The following VWCE variants were observed in gnomAD, a reference collection of about 807,000 sequenced individuals.
The protein encoded by VWCE is von Willebrand factor C and EGF domain-containing protein.
Under a neutral mutation model 102.9 loss-of-function variants are expected in VWCE, and 68 were observed. That is an observed-to-expected ratio of 0.66 (90% CI 0.54 to 0.81). VWCE has a LOEUF of 0.81. Among genes scored for constraint, VWCE ranks in the 30% least tolerant of loss-of-function variants. The pLI is 0.00. For synonymous variants in VWCE, 497 were observed against 515.4 expected, an observed-to-expected ratio of 0.96 and a Z score of 0.48; for missense variants, 1,137 against 1,263.6, an observed-to-expected ratio of 0.90 and a Z score of 1.52.
chr11:61,274,247 G>T (rs1318691878), intron 12 of VWCE, among the ~76,000 whole-genome samples: 1 of 152,180 alleles, frequency 6.6e-6, no homozygotes, highest in African/African-American at 2.4e-5. Flanking sequence ...GGACCAAGGG[G>T]ACTGGGGCTT....
chr11:61,277,382 G>T lies in VWCE; in HGVS notation c.1408-702C>A, dbSNP rs964215239. Among the ~76,000 whole-genome samples, 101 of 151,160 alleles carry T rather than the reference G, an allele frequency of 6.7e-4. 1 individual carries two copies. The highest frequency in any genetic ancestry group is 1.6e-4 in the Non-Finnish European group (11 of 67,872). On this transcript the variant is annotated intron_variant, in intron 10 of 19. Coordinates refer to ENST00000335613, the MANE Select transcript of VWCE (RefSeq NM_152718.2). ...CCAGCATTTTGGGAGGCCAAGGTGG[G>T]AGGATCGCTTGAGCCCAGGAATTTG... is the stretch of plus-strand genomic sequence containing the variant.
chr11:61,282,889 T>C lies in VWCE; in HGVS notation c.558A>G (p.Leu186=). The C allele has an allele frequency of 6.2e-7, 1 of 1,614,042 alleles. No individual in the cohort carries two copies. Among genetic ancestry groups the C allele is most frequent in the South Asian group, 1.1e-5 (1 of 91,072 alleles). ...RHSCQDTDEC[L]GTPCQQRCKN... is the part of the protein sequence containing the mutation. ...TACATCTCTGCTGACAGGGAGTCCC[T>C]AGGCATTCGTCAGTGTCTGGCAGGA... Residue 186 remains leucine, a synonymous_variant, in exon 6 of 20, where the codon CTA becomes CTG. Transcript: ENST00000335613.
chr11:61,279,254 G>A (rs1348565821), intron 9 of VWCE, among the ~76,000 whole-genome samples: 1 of 151,992 alleles, frequency 6.6e-6, no homozygotes, highest in East Asian at 1.9e-4. Context: ...GCGTGTTGCG[G>A]GGACATAGCC....
chr11:61,272,340 TACAC>T (rs969315923), intron 13 of VWCE, among the ~76,000 whole-genome samples: 5 of 150,900 alleles, frequency 3.3e-5, no homozygotes, highest in East Asian at 2.0e-4. Flanking sequence ...GACACAAACT[TACAC>T]ACAGACACAC....
At chr11:61,283,653 C>T (rs545192602) in intron 5 of VWCE, among the ~76,000 whole-genome samples, 1 of 152,344 alleles carries the variant, frequency 6.6e-6, no homozygotes, top group African/African-American at 2.4e-5. Flanking sequence ...TCAGGCGATC[C>T]ACCTGCCTTG....
At chr11:61,286,518 G>A (rs774706909) in intron 4 of VWCE, 88 bp from the exon 5 acceptor site, 42 of 1,260,382 alleles carry the variant, frequency 3.3e-5, no homozygotes, top group Non-Finnish European at 4.5e-5. Context: ...AAGCACCCTT[G>A]CAGGCCGGGC....
At chr11:61,290,760 G>A (rs1009082811) in intron 4 of VWCE, 39 bp downstream of exon 4, 1 of 1,577,700 alleles carries the variant, frequency 6.3e-7, no homozygotes, top group African/African-American at 1.3e-5. Context: ...AATTCCCGCT[G>A]TCCCCCTCCC....
At chr11:61,265,778 G>A (rs1418364759) in intron 16 of VWCE, among the ~76,000 whole-genome samples, 6 of 152,252 alleles carry the variant, frequency 3.9e-5, no homozygotes, top group Admixed American at 2.6e-4. Flanking sequence ...CGGAGTGGTG[G>A]CTCACACCTG....
At chr11:61,281,406 C>G (rs578215477) in intron 7 of VWCE, among the ~76,000 whole-genome samples, 171 bp from the exon 8 acceptor site, 2 of 152,160 alleles carry the variant, frequency 1.3e-5, no homozygotes, top group Admixed American at 1.3e-4. Flanking sequence ...GGGCGAACCA[C>G]GGAAATGGCT....
In VWCE at chr11:61,294,972, T is replaced by G; in HGVS notation, c.66A>C (p.Arg22=). 1 of 1,470,942 alleles carries G rather than the reference T, an allele frequency of 6.8e-7. No individual in the cohort carries two copies. The allele number at this position is 1,470,942 out of a possible 1,614,324, so 91.1% of individuals were successfully genotyped here. A position where few individuals can be genotyped will look rare whatever the true frequency, so the allele number is the denominator to read the frequency against. Residue 22 remains arginine (R), a synonymous_variant, in exon 1 of 20, where the codon CGA becomes CGC. Coordinates refer to ENST00000335613, the MANE Select transcript of VWCE (RefSeq NM_152718.2). This position sits in a 1 kb window ranked among gnomAD's most constrained non-coding sequence, Gnocchi z 6.3. The part of the protein sequence containing the change: ...VALLLPGAPA[R]GYTGRKPPGH... ...CGGGCGGCTTCCTCCCGGTGTAGCCTCGGGCTGGTGCCCCCGGCAGCAGGA... is the reference window on the plus strand; with the variant it reads ...CGGGCGGCTTCCTCCCGGTGTAGCCGCGGGCTGGTGCCCCCGGCAGCAGGA...
intron 1 of VWCE, among the ~76,000 whole-genome samples, chr11:61,293,699 CCCACT>C (rs1431584119): frequency 6.6e-6 from 1 of 152,194 alleles, no homozygotes; most frequent in African/African-American, 2.4e-5. Flanking sequence ...TTGTAAAGCA[CCCACT>C]CTGCGCTGGG....
In VWCE at chr11:61,259,011, G is replaced by A; in HGVS notation, c.2532C>T (p.Leu844=). The A allele has an allele frequency of 6.2e-7, 1 of 1,613,700 alleles. No individual in the cohort carries two copies. The highest frequency in any genetic ancestry group is 8.5e-7 in the Non-Finnish European group (1 of 1,179,808). ...CTGGAGGGGTCGAAGGCCCTGGTGA[G>A]AGTCGAGGGGAGGCCCCAGGCTCCC... is the stretch of plus-strand genomic sequence containing the variant. ...FPGEPGASPR[L]SPGPSTPPGA... The change falls in exon 20 of 20, where the codon CTC becomes CTT. Residue 844 remains leucine, a synonymous_variant. Transcript: ENST00000335613.
In VWCE at chr11:61,289,530, G is replaced by A. The variant is rs538144012; in HGVS notation, c.424+1269C>T. On this transcript the variant is annotated intron_variant, in intron 4 of 19. Coordinates refer to ENST00000335613, the MANE Select transcript of VWCE (RefSeq NM_152718.2). ...CTCCCAAAGTGCTGGGATTACAGGC[G>A]TGAGCCACCAAGCCTAGCGAAAAAA... Among the ~76,000 whole-genome samples, 35 of 152,208 alleles carry A rather than the reference G, an allele frequency of 2.3e-4. 1 individual carries two copies. The highest frequency in any genetic ancestry group is 6.5e-4 in the African/African-American group (27 of 41,524).
Position 61,281,810 on chromosome 11 carries a change from G to C in VWCE, c.763C>G (p.Arg255Gly). The C allele has an allele frequency of 6.2e-7, 1 of 1,613,712 alleles. No homozygotes were observed. Among genetic ancestry groups the C allele is most frequent in the Non-Finnish European group, 8.5e-7 (1 of 1,179,768 alleles). ...CCTTCACAGGACACGCGGTCAGCTC[G>C]GAGCCTGAAGCCAGGTCGGCATGTG... is the stretch of plus-strand genomic sequence containing the variant. ...LCTCRPGFRL[R>G]ADRVSCEAFP... The change falls in exon 7 of 20, where the codon CGA (arginine) becomes GGA (glycine). Residue 255 changes from arginine to glycine, a missense_variant. By Grantham distance (125) the Arg-to-Gly change is moderately radical. This residue lies in a region of VWCE where 575 missense variants were observed against 625.9 expected (regional missense o/e 0.92). Coordinates refer to ENST00000335613, the MANE Select transcript of VWCE (RefSeq NM_152718.2).
At chr11:61,282,053 T>C in intron 6 of VWCE, 139 bp from the exon 7 acceptor site, 2 of 1,339,760 alleles carry the variant, frequency 1.5e-6, no homozygotes, top group Non-Finnish European at 2.0e-6. Context: ...AGGTGCGGGA[T>C]GTGACTCAGA....
intron 13 of VWCE, among the ~76,000 whole-genome samples, chr11:61,272,052 AAC>A (rs1303354663): frequency 1.3e-5 from 2 of 152,062 alleles, no homozygotes; most frequent in Non-Finnish European, 2.9e-5. Flanking sequence ...ACACAGATAC[AAC>A]AGACACACAT....
intron 19 of VWCE, among the ~76,000 whole-genome samples, chr11:61,262,505 G>A (rs958520356): frequency 2.6e-5 from 4 of 152,172 alleles, no homozygotes; most frequent in African/African-American, 9.7e-5. Flanking sequence ...TATGCTGCCT[G>A]GCACATTAGC....
At chr11:61,279,341 G>A (rs780435457) in intron 9 of VWCE, among the ~76,000 whole-genome samples, 2 of 152,052 alleles carry the variant, frequency 1.3e-5, no homozygotes, top group South Asian at 2.1e-4. Flanking sequence ...AGGCCGAGGC[G>A]GGCAGATCAC....
Position 61,295,024 on chromosome 11 carries a change from A to C in VWCE, c.14T>G (p.Leu5Arg). Residue 5 changes from leucine to arginine, a missense_variant, in exon 1 of 20, where the codon CTG becomes CGG. By Grantham distance (102) the Leu-to-Arg change is moderately radical. Transcript: ENST00000335613. This position sits in a 1 kb window ranked among gnomAD's most constrained non-coding sequence, Gnocchi z 4.6. MWAG[L>R]LLRAACVALL... ...CGCGACACAGGCGGCCCGAAGGAGC[A>C]GTCCGGCCCACATGACCGGCGGCGG... 7.1e-7 allele frequency: 1 copy of C among 1,414,094 alleles called. No individual in the cohort carries two copies. The highest frequency in any genetic ancestry group is 2.6e-5 in the Admixed American group (1 of 38,088). 87.6% of individuals were successfully genotyped at this position (1,414,094 alleles called of 1,614,324 possible). A position where few individuals can be genotyped will look rare whatever the true frequency, so the allele number is the denominator to read the frequency against.
Sources: gnomAD v4.1 joint callset for allele counts (sites outside exome capture counted in the v4.1 genomes callset) on GRCh38, gnomAD v4.1.1 for gene constraint, gnomAD v4.1.1 regional missense constraint, Gnocchi (gnomAD v3.1) non-coding constraint, MANE v1.5 for transcripts, NCBI Gene and HGNC (gene_info 2026-07-23, HGNC 2026-07-21) for gene names.